TENM2: variants seen among roughly 807,000 people sequenced by gnomAD.
TENM2 encodes teneurin transmembrane protein 2.
In TENM2, 52 loss-of-function variants were observed where a neutral mutation model predicts 245.2. That is an observed-to-expected ratio of 0.21 (90% CI 0.17 to 0.27). The LOEUF (loss-of-function observed/expected upper bound fraction) is 0.27. Ranked by LOEUF, TENM2 falls within the 10% of genes least tolerant of loss-of-function variation. The pLI, the probability that TENM2 is intolerant of heterozygous loss-of-function variation, is 1.00. For synonymous variants in TENM2, 1,363 were observed against 1,438.9 expected (o/e 0.95, Z 1.19); for missense variants, 3,046 against 3,666.8 (o/e 0.83, Z 4.37).
chr5:167,609,488 CAAAAAAA>C lies in TENM2; in HGVS notation c.502+234033_502+234039del, dbSNP rs5873049. Among the ~76,000 whole-genome samples the C allele has an allele frequency of 8.4e-4, 31 of 36,690 alleles. No homozygotes were observed. In the South Asian group the frequency reaches 0.038, roughly 45 times the overall value. The allele number at this position is 36,690 out of a possible 152,430, so 24.1% of individuals were successfully genotyped here. A position where few individuals can be genotyped will look rare whatever the true frequency, so the allele number is the denominator to read the frequency against. On this transcript the variant is annotated intron_variant, in intron 2 of 28. Transcript: ENST00000518659. ...TGCCTTTTTTCTTTGCCTGATGATG[CAAAAAAA>C]AAAAAAAAAAAAAAAAACAAAACCT...
chr5:167,593,498 G>C (rs1479200848), intron 2 of TENM2, among the ~76,000 whole-genome samples: 3 of 152,140 alleles, frequency 2.0e-5, no homozygotes, highest in Non-Finnish European at 2.9e-5. Context: ...GGAGAATTTA[G>C]GCCCTATAAA....
intron 2 of TENM2, among the ~76,000 whole-genome samples, chr5:167,608,919 T>C (rs1333941535): frequency 6.6e-6 from 1 of 152,176 alleles, no homozygotes; most frequent in East Asian, 1.9e-4. Flanking sequence ...TGTCATTTCC[T>C]TGTGGCCAAA....
chr5:167,906,859 G>A (rs552683335), intron 3 of TENM2, among the ~76,000 whole-genome samples: 7 of 152,272 alleles, frequency 4.6e-5, no homozygotes, highest in Non-Finnish European at 7.4e-5. Context: ...GTGGGGAGGA[G>A]CAGATATTTT....
chr5:167,345,490 T>A (rs1758400231), intron 1 of TENM2, among the ~76,000 whole-genome samples: 1 of 152,134 alleles, frequency 6.6e-6, no homozygotes, highest in South Asian at 2.1e-4. Flanking sequence ...AAAGAAAAGA[T>A]TTTATTTAAG....
intron 19 of TENM2, among the ~76,000 whole-genome samples, chr5:168,208,889 C>T (rs892448269): frequency 1.3e-5 from 2 of 151,760 alleles, no homozygotes; most frequent in Admixed American, 6.6e-5. Context: ...GAAAGGAAAC[C>T]CAAAAAATTG....
At chr5:168,153,207 C>G (rs912270072) in intron 12 of TENM2, among the ~76,000 whole-genome samples, 1 of 151,930 alleles carries the variant, frequency 6.6e-6, no homozygotes, top group African/African-American at 2.4e-5. Context: ...ATAGGAATCA[C>G]CTGGGTAGCT....
intron 12 of TENM2, among the ~76,000 whole-genome samples, chr5:168,131,633 G>GAACA (rs1427345316): frequency 6.6e-6 from 1 of 152,208 alleles, no homozygotes; most frequent in East Asian, 1.9e-4. Flanking sequence ...GAACAATAGG[G>GAACA]AACAGGTTGA....
chr5:167,774,830 T>G (rs1157262934), intron 2 of TENM2, among the ~76,000 whole-genome samples: 1 of 152,182 alleles, frequency 6.6e-6, no homozygotes, highest in Non-Finnish European at 1.5e-5. Context: ...TTCTCTGAAA[T>G]AATTCTCAAA....
upstream of TENM2, among the ~76,000 whole-genome samples, chr5:167,282,000 C>CAA (rs150534598): frequency 3.7e-5 from 4 of 107,420 alleles, no homozygotes; most frequent in South Asian, 6.7e-4. Flanking sequence ...AACTCCATCT[C>CAA]AAAAAAAAAA....
chr5:166,985,022 G>A, the TENM2 span, among the ~76,000 whole-genome samples: 2 of 152,060 alleles, frequency 1.3e-5, no homozygotes, highest in Non-Finnish European at 2.9e-5. Flanking sequence ...GATGCCAAAA[G>A]GATGTCTAAG....
At chr5:167,758,136 G>A (rs551789633) in intron 2 of TENM2, among the ~76,000 whole-genome samples, 1 of 152,146 alleles carries the variant, frequency 6.6e-6, no homozygotes, top group Admixed American at 6.5e-5. Flanking sequence ...ATGGAGGGTG[G>A]GTTCATAAAA....
At position 167,857,131 on chromosome 5, in the gene TENM2, AG is replaced by A. The variant is rs1220224133; in HGVS notation, c.503-18854del. On this transcript the variant is annotated intron_variant, in intron 2 of 28. Coordinates refer to ENST00000518659, the Ensembl canonical transcript of TENM2. Reference sequence around the variant, plus strand: ...TGAACTACAGAGTGGATTACATTCTAGCAAGAATGATACAGCACATGCCAAA... The same window carrying A: ...TGAACTACAGAGTGGATTACATTCTACAAGAATGATACAGCACATGCCAAA... 2.6e-5 allele frequency among the ~76,000 whole-genome samples: 4 copies of A among 152,186 alleles called. No homozygotes were observed. The East Asian group carries it at 7.7e-4, about 29-fold the overall frequency.
At chr5:167,310,958 ATCC>A (rs1755995872) in intron 1 of TENM2, among the ~76,000 whole-genome samples, 1 of 152,240 alleles carries the variant, frequency 6.6e-6, no homozygotes, top group African/African-American at 2.4e-5. Flanking sequence ...TTTATTAAGC[ATCC>A]TCTAGATCAA....
Position 168,076,637 on chromosome 5 carries a change from C to T in TENM2, c.1516-13937C>T, listed in dbSNP as rs534356608. On this transcript the variant is annotated intron_variant, in intron 7 of 28. Coordinates refer to ENST00000518659, the Ensembl canonical transcript of TENM2. ...TTGTCTGTATCATTCACTGCTGTAT[C>T]CCCAGTACACAGAGCAGTGCCAGGC... Among the ~76,000 whole-genome samples the T allele has an allele frequency of 3.3e-5, 5 of 152,278 alleles. No homozygotes were observed. In the East Asian group the frequency reaches 9.7e-4, roughly 29 times the overall value.
chr5:167,492,843 A>T (rs1768521447), intron 2 of TENM2, among the ~76,000 whole-genome samples: 3 of 152,066 alleles, frequency 2.0e-5, no homozygotes, highest in Non-Finnish European at 4.4e-5. Flanking sequence ...GCAGATTTTG[A>T]TTGATTATAA....
intron 2 of TENM2, among the ~76,000 whole-genome samples, chr5:167,772,415 C>T (rs954255338): frequency 6.6e-6 from 1 of 152,144 alleles, no homozygotes; most frequent in Non-Finnish European, 1.5e-5. Flanking sequence ...GTCAGGACAT[C>T]ACACTTATGG....
intron 14 of TENM2, among the ~76,000 whole-genome samples, chr5:168,192,562 A>T (rs1311910109): frequency 6.6e-6 from 1 of 152,174 alleles, no homozygotes; most frequent in Non-Finnish European, 1.5e-5. Flanking sequence ...AAATTTAGAG[A>T]TTAATCTTTC....
the TENM2 span, among the ~76,000 whole-genome samples, chr5:167,071,878 G>GCA: frequency 8.1e-6 from 1 of 124,026 alleles, no homozygotes; most frequent in African/African-American, 2.9e-5. Context: ...TTGACAAATC[G>GCA]CCCCCCCCCG....
intron 6 of TENM2, among the ~76,000 whole-genome samples, chr5:168,058,652 A>G (rs1789771767): frequency 6.6e-6 from 1 of 152,182 alleles, no homozygotes; most frequent in Non-Finnish European, 1.5e-5. Context: ...AAGACTCTTG[A>G]TAGAGAGCTA....
Sources: gnomAD v4.1 joint callset for allele counts (sites outside exome capture counted in the v4.1 genomes callset) on GRCh38, gnomAD v4.1.1 for gene constraint, MANE v1.5 for transcripts, NCBI Gene and HGNC (gene_info 2026-07-23, HGNC 2026-07-21) for gene names.